The following SLCO3A1 variants were observed in gnomAD, a reference collection of about 807,000 sequenced individuals.
SLCO3A1 encodes solute carrier organic anion transporter family member 3A1.
In SLCO3A1, 27 loss-of-function variants were observed where a neutral mutation model predicts 63.1. The ratio of observed to expected loss-of-function variants is 0.43; its 90% confidence interval spans 0.32 to 0.59. The LOEUF (loss-of-function observed/expected upper bound fraction) is 0.59. SLCO3A1 is among the 20% of genes least tolerant of loss of function. The probability of loss-of-function intolerance (pLI) is 0.09; values close to 1 mark genes in which losing one functional copy is unlikely to be tolerated. For synonymous variants in SLCO3A1, 473 were observed against 409.9 expected, an observed-to-expected ratio of 1.15 and a Z score of -1.86; for missense variants, 773 against 945.8, an observed-to-expected ratio of 0.82 and a Z score of 2.40.
In SLCO3A1 at chr15:91,854,469, T is replaced by C. The variant is rs2141826339; in HGVS notation, c.180+381T>C. The C allele has an allele frequency of 2.7e-6, 2 of 731,922 alleles. No individual in the cohort carries two copies. Among genetic ancestry groups the C allele is most frequent in the Non-Finnish European group, 3.4e-6 (2 of 592,966 alleles). The allele number at this position is 731,922 out of a possible 1,614,324, so 45.3% of individuals were successfully genotyped here. A position where few individuals can be genotyped will look rare whatever the true frequency, so the allele number is the denominator to read the frequency against. On this transcript the variant is annotated intron_variant, in intron 1 of 9. Coordinates refer to ENST00000318445, the MANE Select transcript of SLCO3A1 (RefSeq NM_013272.4). This position sits in a 1 kb window ranked among gnomAD's most constrained non-coding sequence, Gnocchi z 6.4. Reference sequence around the variant, plus strand: ...AAAGCGTCGGGGTTTTCAGGTGACCTGCACATGGGAAGAAAAACCAGTTAG... The same window carrying C: ...AAAGCGTCGGGGTTTTCAGGTGACCCGCACATGGGAAGAAAAACCAGTTAG...
At chr15:91,891,133 CA>C (rs1393129887) in intron 1 of SLCO3A1, among the ~76,000 whole-genome samples, 1 of 114,558 alleles carries the variant, frequency 8.7e-6, no homozygotes, top group African/African-American at 4.7e-5. Context: ...TATTTATTGG[CA>C]TTTTGGAAAA....
chr15:92,091,906 G>C (rs1431491022), intron 2 of SLCO3A1, among the ~76,000 whole-genome samples: 1 of 152,214 alleles, frequency 6.6e-6, no homozygotes, highest in East Asian at 1.9e-4. Context: ...TCCAAACTCT[G>C]GAAACCCACA....
At chr15:92,148,153 A>C (rs2048254589) in intron 8 of SLCO3A1, among the ~76,000 whole-genome samples, 1 of 152,234 alleles carries the variant, frequency 6.6e-6, no homozygotes. Flanking sequence ...AGTTGCAGTG[A>C]GCTGAGGTCA....
At chr15:92,111,768 C>T (rs372926746) in intron 4 of SLCO3A1, among the ~76,000 whole-genome samples, 7 of 152,018 alleles carry the variant, frequency 4.6e-5, no homozygotes, top group African/African-American at 1.5e-4. Context: ...TCCTGGAGTG[C>T]GTGTTGAATG....
At chr15:92,011,872 G>T (rs1000288656) in intron 2 of SLCO3A1, among the ~76,000 whole-genome samples, 4 of 152,242 alleles carry the variant, frequency 2.6e-5, no homozygotes, top group Non-Finnish European at 5.9e-5. Flanking sequence ...GCAAGAGGTT[G>T]TGAACATCAG....
At chr15:91,996,011 AC>A (rs1169233280) in intron 2 of SLCO3A1, among the ~76,000 whole-genome samples, 1 of 152,168 alleles carries the variant, frequency 6.6e-6, no homozygotes, top group African/African-American at 2.4e-5. Context: ...ATTTACTATT[AC>A]ACTGGATGTT....
At chr15:91,989,111 C>T (rs1434717693) in intron 2 of SLCO3A1, among the ~76,000 whole-genome samples, 3 of 152,170 alleles carry the variant, frequency 2.0e-5, no homozygotes, top group Admixed American at 6.5e-5. Context: ...GACCATCACT[C>T]GCAGATAAGC....
intron 2 of SLCO3A1, among the ~76,000 whole-genome samples, chr15:92,050,250 C>T (rs2046940747): frequency 6.6e-6 from 1 of 152,208 alleles, no homozygotes; most frequent in Non-Finnish European, 1.5e-5. Context: ...GTGGATAGTG[C>T]ACCTCTGTGG....
At position 92,150,971 on chromosome 15, in the gene SLCO3A1, G is replaced by A. The variant is rs777549530; in HGVS notation, c.1710G>A (p.Lys570=). 3.1e-6 allele frequency: 5 copies of A among 1,612,866 alleles called. No individual in the cohort carries two copies. Among genetic ancestry groups the A allele is most frequent in the Non-Finnish European group, 4.2e-6 (5 of 1,179,504 alleles). ...GTAGGACAGTCAGCCCTGAACTCAA[G>A]TCTTACGCTTTGGGAGTTCTTTTTC... ...ILIRTVSPEL[K]SYALGVLFLL... Residue 570 remains lysine (K), a synonymous_variant, in exon 9 of 10, where the codon AAG becomes AAA. Coordinates refer to ENST00000318445, the MANE Select transcript of SLCO3A1 (RefSeq NM_013272.4).
intron 5 of SLCO3A1, among the ~76,000 whole-genome samples, chr15:92,121,174 A>G (rs1596119343): frequency 6.6e-6 from 1 of 152,224 alleles, no homozygotes; most frequent in South Asian, 2.1e-4. Flanking sequence ...GAGTTGACAT[A>G]CTAAAGAAAA....
chr15:92,023,356 A>G (rs539951728), intron 2 of SLCO3A1, among the ~76,000 whole-genome samples: 1 of 152,294 alleles, frequency 6.6e-6, no homozygotes, highest in East Asian at 1.9e-4. Context: ...AGACTATGGG[A>G]TTGAAATTTA....
intron 2 of SLCO3A1, among the ~76,000 whole-genome samples, chr15:92,065,611 C>T (rs191938764): frequency 1.6e-4 from 24 of 152,172 alleles, no homozygotes; most frequent in Admixed American, 1.3e-3. Flanking sequence ...ACTGTATGGC[C>T]GCCTTTCCCA....
At chr15:91,877,402 C>G (rs56880057) in intron 1 of SLCO3A1, among the ~76,000 whole-genome samples, 10,495 of 152,226 alleles carry the variant, frequency 0.069, 512 homozygotes, top group Non-Finnish European at 0.1. Context: ...TGTGACTTGT[C>G]AGGCACTCTT....
intron 2 of SLCO3A1, among the ~76,000 whole-genome samples, chr15:92,016,240 G>A (rs1443450581): frequency 4.5e-5 from 3 of 67,028 alleles, no homozygotes; most frequent in Non-Finnish European, 7.6e-5. Context: ...TAGATAGATA[G>A]ATAGATAGAT....
chr15:91,898,754 A>G (rs1412907978), intron 1 of SLCO3A1, among the ~76,000 whole-genome samples: 1 of 152,176 alleles, frequency 6.6e-6, no homozygotes, highest in Non-Finnish European at 1.5e-5. Context: ...CTTTTTATGT[A>G]TAAAGCAAAA....
intron 2 of SLCO3A1, among the ~76,000 whole-genome samples, chr15:91,921,888 C>A (rs1223335770): frequency 6.6e-6 from 1 of 152,046 alleles, no homozygotes; most frequent in Non-Finnish European, 1.5e-5. Flanking sequence ...TGCCACCACA[C>A]CCGGTTACTT....
intron 2 of SLCO3A1, among the ~76,000 whole-genome samples, chr15:91,998,217 G>A (rs2046214351): frequency 6.6e-6 from 1 of 152,198 alleles, no homozygotes; most frequent in Admixed American, 6.5e-5. Flanking sequence ...ACTTTGGGAG[G>A]CCAAGGCAGG....
chr15:92,154,859 T>A (rs1410775088), intron 9 of SLCO3A1, among the ~76,000 whole-genome samples: 1 of 152,114 alleles, frequency 6.6e-6, no homozygotes, highest in African/African-American at 2.4e-5. Flanking sequence ...AGGACAAAGA[T>A]ACAGGAACTG....
At chr15:92,040,092 A>G (rs28361309) in intron 2 of SLCO3A1, among the ~76,000 whole-genome samples, 6,842 of 152,234 alleles carry the variant, frequency 0.045, 394 homozygotes, top group African/African-American at 0.13. Flanking sequence ...CAAATAGTTA[A>G]TGCATGTGGG....
Sources: gnomAD v4.1 joint callset for allele counts (sites outside exome capture counted in the v4.1 genomes callset) on GRCh38, gnomAD v4.1.1 for gene constraint, Gnocchi (gnomAD v3.1) non-coding constraint, MANE v1.5 for transcripts, NCBI Gene and HGNC (gene_info 2026-07-23, HGNC 2026-07-21) for gene names.